The following CHMP4B variants were observed in gnomAD, a reference collection of about 807,000 sequenced individuals.
CHMP4B encodes SNF7 homolog associated with Alix 1.
CHMP4B carries 1 observed loss-of-function variant against 25.1 expected under a neutral mutation model. The ratio of observed to expected loss-of-function variants is 0.04; its 90% CI spans 0.01 to 0.19. The LOEUF is 0.19. Ranked by LOEUF, CHMP4B falls within the 10% of genes least tolerant of loss-of-function variation. The pLI is 1.00. For synonymous variants in CHMP4B, 101 were observed against 115.6 expected (o/e 0.87, Z 0.81); for missense variants, 151 against 289.7 (o/e 0.52, Z 3.48).
At chr20:33,814,928 G>A (rs1284347239) in intron 1 of CHMP4B, among the ~76,000 whole-genome samples, 3 of 152,214 alleles carry the variant, frequency 2.0e-5, no homozygotes, top group Non-Finnish European at 4.4e-5. Flanking sequence ...TGGGATTACA[G>A]CCACTGTGCT....
rs139058314 is a variant in CHMP4B at position 33,852,124 on chromosome 20, C to T, written c.531C>T (p.Asp177=). 7.2e-5 allele frequency: 117 copies of T among 1,614,068 alleles called. No homozygotes were observed. Among genetic ancestry groups the T allele is most frequent in the Non-Finnish European group, 9.0e-5 (106 of 1,180,028 alleles). The change falls in exon 4 of 5, where the codon GAC becomes GAT. Residue 177 remains aspartate, a synonymous_variant. Transcript: ENST00000217402. ...AAGAACTAGAACAGGAGGAACTAGA[C>T]AAGAATTTGCTGGAAATCAGTGGAC... ...ELEELEQEEL[D]KNLLEISGPE...
chr20:33,811,452 C>G lies in CHMP4B; in HGVS notation c.-17C>G. On this transcript the variant is annotated 5_prime_UTR_variant, in exon 1 of 5. Coordinates refer to ENST00000217402, the MANE Select transcript of CHMP4B (RefSeq NM_176812.5). The stretch of plus-strand genomic sequence containing the variant: ...AGCCGGAGCGGGCGGCGAAGGCCGG[C>G]GCGGCGAGCAGCAACCATGTCGGTG... The G allele has an allele frequency of 2.7e-6, 4 of 1,498,708 alleles. No individual in the cohort carries two copies. The highest frequency in any genetic ancestry group is 2.7e-6 in the Non-Finnish European group (3 of 1,122,338). 92.8% of individuals were successfully genotyped at this position (1,498,708 alleles called of 1,614,324 possible).
At chr20:33,850,863 G>A in intron 2 of CHMP4B, 89 bp from the exon 3 acceptor site, 1 of 893,642 alleles carries the variant, frequency 1.1e-6, no homozygotes, top group South Asian at 1.3e-5. Flanking sequence ...CTGATTTTGT[G>A]GGGCCCAGTT....
chr20:33,832,782 T>TTTA (rs1458624054), intron 1 of CHMP4B, among the ~76,000 whole-genome samples: 1 of 151,132 alleles, frequency 6.6e-6, no homozygotes, highest in Non-Finnish European at 1.5e-5. Context: ...ATGATTTTTT[T>TTTA]TTTTTTTTTT....
chr20:33,839,623 C>T (rs1209325537), intron 1 of CHMP4B, among the ~76,000 whole-genome samples: 4 of 152,194 alleles, frequency 2.6e-5, no homozygotes, highest in South Asian at 2.1e-4. Flanking sequence ...ACAGGCAGCC[C>T]GCTGAATGCC....
chr20:33,833,610 T>G (rs1430074489), intron 1 of CHMP4B, among the ~76,000 whole-genome samples: 1 of 152,226 alleles, frequency 6.6e-6, no homozygotes, highest in African/African-American at 2.4e-5. Context: ...CTGGGATAGA[T>G]TCCAGCAGCT....
intron 1 of CHMP4B, among the ~76,000 whole-genome samples, chr20:33,841,901 G>A (rs536213903): frequency 3.9e-5 from 6 of 152,290 alleles, no homozygotes; most frequent in African/African-American, 1.4e-4. Flanking sequence ...TGATTTATTT[G>A]TAGCAACTAA....
chr20:33,852,897 A>G (rs966741129), intron 4 of CHMP4B, among the ~76,000 whole-genome samples: 13 of 152,072 alleles, frequency 8.5e-5, no homozygotes, highest in African/African-American at 2.9e-4. Context: ...CCCTCGCACA[A>G]TATTTCACCC....
chr20:33,843,541 C>T (rs1412378024), intron 1 of CHMP4B, among the ~76,000 whole-genome samples: 1 of 152,044 alleles, frequency 6.6e-6, no homozygotes, highest in Non-Finnish European at 1.5e-5. Context: ...TTAATCTAAC[C>T]ATCAGGAATC....
chr20:33,811,760 CT>C, intron 1 of CHMP4B, 102 bp downstream of exon 1: 4 of 1,225,964 alleles, frequency 3.3e-6, no homozygotes, highest in African/African-American at 1.5e-5. Context: ...TGGTCTGACC[CT>C]GGAACTCTCC....
intron 2 of CHMP4B, 98 bp from the exon 3 acceptor site, chr20:33,850,854 T>C: frequency 1.2e-6 from 1 of 831,322 alleles, no homozygotes; most frequent in Non-Finnish European, 2.1e-6. Flanking sequence ...GCTGGGAAGC[T>C]GATTTTGTGG....
At chr20:33,811,847 A>G (rs543659005) in intron 1 of CHMP4B, among the ~76,000 whole-genome samples, 189 bp downstream of exon 1, 1 of 151,888 alleles carries the variant, frequency 6.6e-6, no homozygotes, top group East Asian at 1.9e-4. Flanking sequence ...GGACTTTTCC[A>G]TCGTCAGACT....
At chr20:33,846,197 T>C (rs1383987462) in intron 1 of CHMP4B, among the ~76,000 whole-genome samples, 3 of 152,116 alleles carry the variant, frequency 2.0e-5, no homozygotes, top group Admixed American at 2.0e-4. Context: ...CTGGTTTAAG[T>C]CCCCTCTCTG....
intron 1 of CHMP4B, among the ~76,000 whole-genome samples, chr20:33,827,355 C>T (rs1223276466): frequency 6.6e-6 from 1 of 152,230 alleles, no homozygotes; most frequent in Admixed American, 6.5e-5. Flanking sequence ...ATTACAGTAA[C>T]CTTACCTTCA....
In CHMP4B at chr20:33,849,198, C is replaced by G. The variant is rs904326626; in HGVS notation, c.368+554C>G. ...CAGCAGTCCTTCTTCCCCTATATGG[C>G]TACCTCTCATGGCAGTGGCCTAAGA... On this transcript the variant is annotated intron_variant, in intron 2 of 4. Transcript: ENST00000217402. 2.0e-5 allele frequency among the ~76,000 whole-genome samples: 3 copies of G among 152,338 alleles called. No homozygotes were observed. The South Asian group carries it at 6.2e-4, about 32-fold the overall frequency.
At chr20:33,841,620 G>A (rs1979543656) in intron 1 of CHMP4B, among the ~76,000 whole-genome samples, 1 of 152,202 alleles carries the variant, frequency 6.6e-6, no homozygotes. Context: ...GTAGAGAAAT[G>A]AGAGCCTAGC....
At position 33,852,185 on chromosome 20, in the gene CHMP4B, G is replaced by A; in HGVS notation, c.592G>A (p.Ala198Thr). The change falls in exon 4 of 5, where the codon GCC (alanine) becomes ACC (threonine). Residue 198 changes from alanine (A) to threonine (T), a missense_variant. Around this residue, in one of 3 missense-constraint regions of CHMP4B, gnomAD observed 41 missense variants for 50.9 expected, o/e 0.81. Transcript: ENST00000217402. ...TVPLPNVPSI[A>T]LPSKPAKKKE... The stretch of plus-strand genomic sequence containing the variant: ...CCCTCTACCAAATGTTCCCTCTATA[G>A]CCCTACCATCAAAACCCGGTGAGTG... 1 of 1,614,160 alleles carries A rather than the reference G, an allele frequency of 6.2e-7. No homozygotes were observed. Among genetic ancestry groups the A allele is most frequent in the South Asian group, 1.1e-5 (1 of 91,092 alleles).
rs1169126897 is a variant in CHMP4B, at chr20:33,850,959, G to A, written c.376G>A (p.Asp126Asn). 7 of 1,611,584 alleles carry A rather than the reference G, an allele frequency of 4.3e-6. No homozygotes were observed. The highest frequency in any genetic ancestry group is 2.7e-5 in the African/African-American group (2 of 74,892). The part of the protein sequence containing the change: ...MKAAHDNMDI[D>N]KVDELMQDIA... ...TGTCCATTGCATTTGAAGGGACATC[G>A]ATAAAGTTGATGAGTTAATGCAGGA... Residue 126 changes from aspartate to asparagine, a missense_variant, in exon 3 of 5, where the codon GAT becomes AAT. Coordinates refer to ENST00000217402, the MANE Select transcript of CHMP4B (RefSeq NM_176812.5).
chr20:33,817,781 T>C (rs1439464914), intron 1 of CHMP4B, among the ~76,000 whole-genome samples: 2 of 152,192 alleles, frequency 1.3e-5, no homozygotes, highest in Admixed American at 6.5e-5. Context: ...CTTTAGTTGG[T>C]CATTTTGCAG....
Sources: allele counts gnomAD v4.1 joint callset (sites outside exome capture counted in the v4.1 genomes callset), GRCh38; gene constraint gnomAD v4.1.1; regional missense constraint gnomAD v4.1.1; transcripts MANE v1.5; gene names NCBI Gene and HGNC (gene_info 2026-07-23, HGNC 2026-07-21).